The following CRPPA variants were observed in gnomAD, a reference collection of about 807,000 sequenced individuals.
CRPPA encodes CDP-L-ribitol pyrophosphorylase A.
A neutral mutation model predicts 52.0 loss-of-function variants in CRPPA; 43 were observed. That is an observed-to-expected ratio of 0.83 (90% CI 0.65 to 1.07). The LOEUF (loss-of-function observed/expected upper bound fraction) is 1.07, where lower values mean the gene tolerates loss of function less well. CRPPA is among the 50% of genes least tolerant of loss of function. The pLI, the probability that CRPPA is intolerant of heterozygous loss-of-function variation, is 0.00. For missense variants in CRPPA, 629 were observed against 551.7 expected (o/e 1.14, Z -1.40); for synonymous variants, 250 against 203.5 (o/e 1.23, Z -1.94).
In CRPPA at chr7:16,303,487, A is replaced by AC. The variant is rs1489429087; in HGVS notation, c.790-2022_790-2021insG. Among the ~76,000 whole-genome samples, 80 of 143,008 alleles carry AC rather than the reference A, an allele frequency of 5.6e-4. 1 individual carries two copies. The highest frequency in any genetic ancestry group is 9.7e-4 in the Non-Finnish European group (65 of 66,816). The allele number at this position is 143,008 out of a possible 152,430, so 93.8% of individuals were successfully genotyped here. A position where few individuals can be genotyped will look rare whatever the true frequency, so the allele number is the denominator to read the frequency against. On this transcript the variant is annotated intron_variant, in intron 4 of 9. Transcript: ENST00000407010. ...TGAGACATAAAATAGTAAAAAAAAA[A>AC]AAAAAAAAAAAAAAAACTTTCAGAA...
intron 2 of CRPPA, among the ~76,000 whole-genome samples, chr7:16,398,460 G>A (rs1156744656): frequency 4.6e-5 from 7 of 151,978 alleles, no homozygotes; most frequent in Admixed American, 2.6e-4. Flanking sequence ...CGTGACTCAC[G>A]TGTGCGATTG....
intron 9 of CRPPA, among the ~76,000 whole-genome samples, chr7:16,092,212 A>G (rs1293400385): frequency 6.6e-6 from 1 of 152,148 alleles, no homozygotes; most frequent in East Asian, 1.9e-4. Flanking sequence ...TAGGGGGGAA[A>G]ACCCTGCTTG....
In CRPPA at chr7:16,289,104, G is replaced by A. The variant is rs78898296; in HGVS notation, c.836-10878C>T. On this transcript the variant is annotated intron_variant, in intron 5 of 9. Transcript: ENST00000407010. ...ATATGCTGATAAATTGGAACACTTAGAGGAAGTTGTTAAATTCCAGGACAC... is the reference window on the plus strand; with the variant it reads ...ATATGCTGATAAATTGGAACACTTAAAGGAAGTTGTTAAATTCCAGGACAC... 3.7e-3 allele frequency among the ~76,000 whole-genome samples: 560 copies of A among 152,084 alleles called. 23 individuals carry two copies. The East Asian group carries it at 0.088, about 24-fold the overall frequency.
chr7:16,151,552 C>G (rs1425193259), intron 9 of CRPPA, among the ~76,000 whole-genome samples: 1 of 151,704 alleles, frequency 6.6e-6, no homozygotes, highest in African/African-American at 2.4e-5. Flanking sequence ...TTCCTAATTC[C>G]AAAACATTCA....
intron 8 of CRPPA, among the ~76,000 whole-genome samples, chr7:16,222,696 T>C (rs1397287683): frequency 2.6e-5 from 4 of 152,150 alleles, no homozygotes; most frequent in Non-Finnish European, 5.9e-5. Flanking sequence ...ATAATTGTCG[T>C]CTCTAACATA....
At chr7:16,325,885 A>G (rs1029622713) in intron 3 of CRPPA, among the ~76,000 whole-genome samples, 1 of 152,146 alleles carries the variant, frequency 6.6e-6, no homozygotes, top group African/African-American at 2.4e-5. Context: ...TATTCACTTT[A>G]GAATAGCATC....
intron 3 of CRPPA, among the ~76,000 whole-genome samples, chr7:16,323,138 C>T (rs1005256133): frequency 9.2e-5 from 14 of 151,922 alleles, no homozygotes; most frequent in African/African-American, 2.7e-4. Context: ...CCAAACCATA[C>T]GAAATAGAAA....
intron 2 of CRPPA, among the ~76,000 whole-genome samples, chr7:16,381,051 CT>C (rs1787072581): frequency 6.6e-6 from 1 of 151,126 alleles, no homozygotes; most frequent in Admixed American, 6.6e-5. Context: ...TGTGTTTGCT[CT>C]TGCTTTTCTA....
chr7:16,390,138 T>C (rs1361464845), intron 2 of CRPPA, among the ~76,000 whole-genome samples: 1 of 151,652 alleles, frequency 6.6e-6, no homozygotes, highest in South Asian at 2.1e-4. Flanking sequence ...TTAGCTACTT[T>C]TACCCATTCC....
chr7:16,200,039 G>T (rs1781816495), intron 9 of CRPPA, among the ~76,000 whole-genome samples: 1 of 151,880 alleles, frequency 6.6e-6, no homozygotes, highest in African/African-American at 2.4e-5. Flanking sequence ...TGTGTTTTTA[G>T]TAGAGATGGG....
chr7:16,136,661 T>C (rs1009091738), intron 9 of CRPPA, among the ~76,000 whole-genome samples: 37 of 152,210 alleles, frequency 2.4e-4, no homozygotes, highest in African/African-American at 8.9e-4. Flanking sequence ...CATCTTTATT[T>C]CCAGCTGTCT....
intron 9 of CRPPA, among the ~76,000 whole-genome samples, chr7:16,184,201 A>C (rs2128388488): frequency 6.6e-6 from 1 of 152,132 alleles, no homozygotes; most frequent in East Asian, 1.9e-4. Flanking sequence ...TTGGCCTCTC[A>C]AAGTGCTGGG....
intron 8 of CRPPA, among the ~76,000 whole-genome samples, chr7:16,249,713 C>T (rs1783387163): frequency 6.6e-6 from 1 of 152,146 alleles, no homozygotes; most frequent in African/African-American, 2.4e-5. Context: ...CACACAAAAA[C>T]CCCATCCGGA....
At chr7:16,352,555 T>C (rs1272480112) in intron 3 of CRPPA, among the ~76,000 whole-genome samples, 1 of 152,116 alleles carries the variant, frequency 6.6e-6, no homozygotes, top group African/African-American at 2.4e-5. Context: ...CATAATGAGA[T>C]ATCATCTCAC....
In CRPPA at chr7:16,186,552, G is replaced by C. The variant is rs80079252; in HGVS notation, c.1251+29514C>G. ...TGTTATAGCAACCTAAAATGAGTAA[G>C]ACAGAGGGGGAATAGAATTGAAAGG... On this transcript the variant is annotated intron_variant, in intron 9 of 9. Coordinates refer to ENST00000407010, the MANE Select transcript of CRPPA (RefSeq NM_001101426.4). Among the ~76,000 whole-genome samples, 744 of 152,252 alleles carry C rather than the reference G, an allele frequency of 4.9e-3. 8 individuals are homozygous for C. Among genetic ancestry groups the C allele is most frequent in the East Asian group, 0.019 (96 of 5,176 alleles).
intron 3 of CRPPA, among the ~76,000 whole-genome samples, chr7:16,355,575 A>G (rs1786273696): frequency 6.6e-6 from 1 of 152,166 alleles, no homozygotes; most frequent in African/African-American, 2.4e-5. Context: ...TCAAAGTCAG[A>G]GTTAGAAAGT....
intron 9 of CRPPA, among the ~76,000 whole-genome samples, chr7:16,200,273 C>T (rs1464768983): frequency 1.3e-5 from 2 of 152,210 alleles, no homozygotes; most frequent in African/African-American, 4.8e-5. Context: ...AGTGGTTATG[C>T]TTACATACTA....
At chr7:16,128,247 T>A (rs1438647690) in intron 9 of CRPPA, among the ~76,000 whole-genome samples, 1 of 152,078 alleles carries the variant, frequency 6.6e-6, no homozygotes, top group Non-Finnish European at 1.5e-5. Context: ...CAAACCTGCA[T>A]ATGTACCCTC....
chr7:16,319,209 T>G (rs925449095), intron 3 of CRPPA, among the ~76,000 whole-genome samples: 3 of 152,316 alleles, frequency 2.0e-5, no homozygotes, highest in African/African-American at 7.2e-5. Flanking sequence ...GTTTTCTGTA[T>G]GCTTATGACT....
Sources: gnomAD v4.1 joint callset for allele counts (sites outside exome capture counted in the v4.1 genomes callset) on GRCh38, gnomAD v4.1.1 for gene constraint, MANE v1.5 for transcripts, NCBI Gene and HGNC (gene_info 2026-07-23, HGNC 2026-07-21) for gene names.